Variants in PATZ1 observed in about 807,000 individuals in gnomAD.
PATZ1 encodes the protein POZ-, AT hook-, and zinc finger-containing protein 1.
Under a neutral mutation model 46.2 loss-of-function variants are expected in PATZ1, and 9 were observed. That is an observed-to-expected ratio of 0.19 (90% CI 0.12 to 0.34). The LOEUF (loss-of-function observed/expected upper bound fraction) is 0.34. Among genes scored for constraint, PATZ1 ranks in the 10% least tolerant of loss-of-function variants. The probability of loss-of-function intolerance (pLI) is 1.00; values close to 1 mark genes in which losing one functional copy is unlikely to be tolerated. For missense variants in PATZ1, 632 were observed against 923.0 expected (o/e 0.68, Z 4.08); for synonymous variants, 426 against 378.6 (o/e 1.13, Z -1.45).
intron 3 of PATZ1, among the ~76,000 whole-genome samples, chr22:31,333,533 G>C (rs2049471308): frequency 6.7e-6 from 1 of 149,124 alleles, no homozygotes; most frequent in Non-Finnish European, 1.5e-5. Flanking sequence ...ATGAGTCCAG[G>C]AGTAGAATCC....
chr22:31,327,073 G>A lies in PATZ1; in HGVS notation c.1882C>T (p.His628Tyr), dbSNP rs1004440139. The A allele has an allele frequency of 6.2e-7, 1 of 1,613,980 alleles. No individual in the cohort carries two copies. Among genetic ancestry groups the A allele is most frequent in the Non-Finnish European group, 8.5e-7 (1 of 1,180,006 alleles). The change falls in exon 5 of 5, where the codon CAT becomes TAT. Residue 628 changes from histidine (H) to tyrosine (Y), a missense_variant. By Grantham distance (83) the His-to-Tyr change is moderately conservative. This residue lies in a region of PATZ1 where 176 missense variants were observed against 249.4 expected (regional missense o/e 0.71). Coordinates refer to ENST00000266269, the MANE Select transcript of PATZ1 (RefSeq NM_014323.3). The surrounding 1 kb of genome is among the most constrained non-coding windows in gnomAD (Gnocchi z 4.2). Reference sequence around the variant, plus strand: ...AGGGGGCCCCCGAGAGCCCGGACATGCACCTTCTGGATGTGTTTGTTCAAG... The same window carrying A: ...AGGGGGCCCCCGAGAGCCCGGACATACACCTTCTGGATGTGTTTGTTCAAG... ...SYLNKHIQKV[H>Y]VRALGGPLGD...
At chr22:31,336,891 C>T (rs901264681) in intron 2 of PATZ1, among the ~76,000 whole-genome samples, 1 of 150,858 alleles carries the variant, frequency 6.6e-6, no homozygotes, top group Non-Finnish European at 1.5e-5. Context: ...GGGCGGATCA[C>T]GAAGTCAGGA....
In PATZ1 at chr22:31,345,353, G is replaced by A. The variant is rs369451544; in HGVS notation, c.250C>T (p.Pro84Ser). Reference protein sequence around the residue: ...LGDGGAADGGPADVGGATAAP... With the variant: ...LGDGGAADGGSADVGGATAAP... Reference sequence around the variant, plus strand: ...GCCGTCGCGCCCCCTACATCAGCCGGACCCCCGTCCGCAGCTCCGCCGTCG... The same window carrying A: ...GCCGTCGCGCCCCCTACATCAGCCGAACCCCCGTCCGCAGCTCCGCCGTCG... The change falls in exon 1 of 5, where the codon CCG (proline) becomes TCG (serine). Residue 84 changes from proline to serine, a missense_variant. Pro to Ser is a moderately conservative substitution (Grantham distance 74). Coordinates refer to ENST00000266269, the MANE Select transcript of PATZ1 (RefSeq NM_014323.3). The surrounding 1 kb of genome is among the most constrained non-coding windows in gnomAD (Gnocchi z 7.4). 2.8e-5 allele frequency: 45 copies of A among 1,607,500 alleles called. No homozygotes were observed. The highest frequency in any genetic ancestry group is 3.0e-5 in the Non-Finnish European group (35 of 1,176,194).
chr22:31,329,459 C>T (rs1466747010), intron 3 of PATZ1, among the ~76,000 whole-genome samples: 1 of 152,202 alleles, frequency 6.6e-6, no homozygotes, highest in African/African-American at 2.4e-5. Flanking sequence ...TTCTACCTGT[C>T]AGGAGATGTT....
intron 1 of PATZ1, 58 bp downstream of exon 1, chr22:31,344,274 A>C (rs1308352650): frequency 7.6e-6 from 11 of 1,453,828 alleles, no homozygotes; most frequent in Non-Finnish European, 1.0e-5. Flanking sequence ...TCTTGGCAGG[A>C]GCCTTTTCAG....
intron 2 of PATZ1, among the ~76,000 whole-genome samples, chr22:31,339,684 C>T (rs1038122004): frequency 6.6e-6 from 1 of 152,160 alleles, no homozygotes; most frequent in Non-Finnish European, 1.5e-5. Context: ...CTTAGTTAGA[C>T]AGCCTGCTGT....
intron 3 of PATZ1, among the ~76,000 whole-genome samples, chr22:31,333,353 C>T (rs1213486984): frequency 2.6e-5 from 4 of 152,146 alleles, no homozygotes; most frequent in African/African-American, 4.8e-5. Context: ...TTCGTTTATT[C>T]GTGCAACCCC....
chr22:31,325,950 T>C lies in PATZ1; in HGVS notation c.*941A>G, dbSNP rs2049366895. Reference sequence around the variant, plus strand: ...CCCACCTTCCTGGTTCCCAACAGCATTGAAACCCCCTACTTCCCTGACCAG... The same window carrying C: ...CCCACCTTCCTGGTTCCCAACAGCACTGAAACCCCCTACTTCCCTGACCAG... On this transcript the variant is annotated 3_prime_UTR_variant, in exon 5 of 5. Transcript: ENST00000266269. 4.6e-6 allele frequency: 1 copy of C among 215,224 alleles called. No homozygotes were observed. The highest frequency in any genetic ancestry group is 9.4e-6 in the Non-Finnish European group (1 of 106,506). The allele number at this position is 215,224 out of a possible 1,614,324, so 13.3% of individuals were successfully genotyped here.
rs770745510 is a variant in PATZ1 at position 31,342,957 on chromosome 22, A to G, written c.1275T>C (p.Pro425=). The change falls in exon 2 of 5, where the codon CCT becomes CCC. Residue 425 remains proline (P), a synonymous_variant. Transcript: ENST00000266269. ...CQSCGKGFSR[P]DHLNGHIKQV... ...GCTTGATATGTCCGTTCAAGTGATC[A>G]GGCCTGGAAAAGAGAGAACCAAGAG... is the stretch of plus-strand genomic sequence containing the variant. 6.2e-7 allele frequency: 1 copy of G among 1,613,954 alleles called. No homozygotes were observed. The highest frequency in any genetic ancestry group is 1.1e-5 in the South Asian group (1 of 91,084).
intron 3 of PATZ1, among the ~76,000 whole-genome samples, chr22:31,333,712 C>T (rs983240425): frequency 3.3e-5 from 5 of 152,174 alleles, no homozygotes; most frequent in Admixed American, 2.6e-4. Flanking sequence ...CTTGGCTTTT[C>T]TGAGAAAAAG....
chr22:31,344,660 C>T lies in PATZ1; in HGVS notation c.943G>A (p.Gly315Ser), dbSNP rs1479300645. ...TAGCCCAGCTGGAGGCTGGTGACAC[C>T]GTGCTGGGCCTCGTGCTGCCGGAGC... Reference protein sequence around the residue: ...NRLRQHEAQHGVTSLQLGYID... With the variant: ...NRLRQHEAQHSVTSLQLGYID... Residue 315 changes from glycine to serine, a missense_variant, in exon 1 of 5, where the codon GGT (glycine) becomes AGT (serine). Gly to Ser is a moderately conservative substitution (Grantham distance 56). Coordinates refer to ENST00000266269, the MANE Select transcript of PATZ1 (RefSeq NM_014323.3). 2 of 1,614,018 alleles carry T rather than the reference C, an allele frequency of 1.2e-6. No homozygotes were observed. The highest frequency in any genetic ancestry group is 2.2e-5 in the East Asian group (1 of 44,888).
Position 31,345,304 on chromosome 22 carries a change from C to A in PATZ1, c.299G>T (p.Gly100Val). ...ATAAPGGGAG[G>V]SRELEMHTIS... The stretch of plus-strand genomic sequence containing the variant: ...AGTGTGCATCTCCAGCTCCCGGCTG[C>A]CCCCGGCCCCGCCGCCTGGTGCTGC... The change falls in exon 1 of 5, where the codon GGC becomes GTC. Residue 100 changes from glycine (G) to valine (V), a missense_variant. Physicochemically the swap from Gly to Val is moderately radical, Grantham distance 109. Transcript: ENST00000266269. The surrounding 1 kb of genome is among the most constrained non-coding windows in gnomAD (Gnocchi z 7.4). 11 of 1,609,884 alleles carry A rather than the reference C, an allele frequency of 6.8e-6. No homozygotes were observed. The highest frequency in any genetic ancestry group is 8.5e-6 in the Non-Finnish European group (10 of 1,177,312).
chr22:31,344,308 G>A lies in PATZ1; in HGVS notation c.1271+24C>T, dbSNP rs372081592. The A allele has an allele frequency of 6.0e-4, 943 of 1,566,786 alleles. 5 individuals carry two copies. In the African/African-American group the frequency reaches 0.012, roughly 19 times the overall value. On this transcript the variant is annotated intron_variant, in intron 1 of 4. Coordinates refer to ENST00000266269, the MANE Select transcript of PATZ1 (RefSeq NM_014323.3). ...AGGACTAAGATAACGTGTGGCAGGG[G>A]AGGAAGAGGGGGCCTTTCCTCACCT... is the stretch of plus-strand genomic sequence containing the variant.
Position 31,344,639 on chromosome 22 carries a change from C to T in PATZ1, c.964G>A (p.Gly322Ser). 6.2e-7 allele frequency: 1 copy of T among 1,614,064 alleles called. No homozygotes were observed. Among genetic ancestry groups the T allele is most frequent in the Middle Eastern group, 1.6e-4 (1 of 6,062 alleles). The change falls in exon 1 of 5, where the codon GGC (glycine) becomes AGC (serine). Residue 322 changes from glycine to serine, a missense_variant. Around this residue, in one of 7 missense-constraint regions of PATZ1, gnomAD observed 279 missense variants for 284.3 expected, o/e 0.98. Coordinates refer to ENST00000266269, the MANE Select transcript of PATZ1 (RefSeq NM_014323.3). Reference sequence around the variant, plus strand: ...CTCGGAGGAGGAAGGTCGATGTAGCCCAGCTGGAGGCTGGTGACACCGTGC... The same window carrying T: ...CTCGGAGGAGGAAGGTCGATGTAGCTCAGCTGGAGGCTGGTGACACCGTGC... The part of the protein sequence containing the change: ...AQHGVTSLQL[G>S]YIDLPPPRLG...
intron 2 of PATZ1, among the ~76,000 whole-genome samples, chr22:31,339,043 C>T (rs1406261458): frequency 2.0e-5 from 3 of 152,170 alleles, no homozygotes; most frequent in African/African-American, 7.2e-5. Context: ...TGCCAACCTT[C>T]TTTTGGGATC....
At chr22:31,339,180 C>G (rs1338730282) in intron 2 of PATZ1, among the ~76,000 whole-genome samples, 1 of 152,224 alleles carries the variant, frequency 6.6e-6, no homozygotes, top group East Asian at 1.9e-4. Flanking sequence ...CCAGACTGGG[C>G]TGGCTTCCCC....
rs751909410 is a variant in PATZ1, at chr22:31,335,695, G to A, written c.1504C>T (p.Arg502Ter). 1.2e-6 allele frequency: 2 copies of A among 1,613,612 alleles called. No homozygotes were observed. The highest frequency in any genetic ancestry group is 1.7e-6 in the Non-Finnish European group (2 of 1,179,596). ...GPSNFCSICN[R>*]GFSSASYLKV... ...GAGGAAACAGTGGGCAGATTACCTC[G>A]GTTACAGATACTGCAGAAGTTGCTG... The change falls in exon 3 of 5, where the codon CGA becomes TGA. Residue 502 changes from arginine (R) to a stop codon, truncating the protein, a stop_gained. Coordinates refer to ENST00000266269, the MANE Select transcript of PATZ1 (RefSeq NM_014323.3). LOFTEE classifies it high-confidence loss of function.
chr22:31,337,035 G>A (rs1170902900), intron 2 of PATZ1, among the ~76,000 whole-genome samples: 1 of 151,264 alleles, frequency 6.6e-6, no homozygotes, highest in Admixed American at 6.6e-5. Flanking sequence ...GCATAAACCC[G>A]GGAGGCAGAG....
chr22:31,335,892 G>A, intron 2 of PATZ1, 29 bp from the exon 3 acceptor site: 1 of 1,603,116 alleles, frequency 6.2e-7, no homozygotes, highest in Admixed American at 1.7e-5. Flanking sequence ...ATGGGATGAT[G>A]TGAAACCCAG....
Sources: gnomAD v4.1 joint callset for allele counts (sites outside exome capture counted in the v4.1 genomes callset) on GRCh38, gnomAD v4.1.1 for gene constraint, gnomAD v4.1.1 regional missense constraint, Gnocchi (gnomAD v3.1) non-coding constraint, MANE v1.5 for transcripts, NCBI Gene and HGNC (gene_info 2026-07-23, HGNC 2026-07-21) for gene names.